Variants in PTPRQ observed in about 807,000 individuals in gnomAD.
PTPRQ encodes protein tyrosine phosphatase receptor type Q, also known as phosphatidylinositol phosphatase PTPRQ.
Under a neutral mutation model 246.0 loss-of-function variants are expected in PTPRQ, and 199 were observed. The observed-to-expected ratio is 0.81, with a 90% CI of 0.72 to 0.91. PTPRQ has a LOEUF of 0.91. PTPRQ is among the 40% of genes least tolerant of loss of function. The pLI, the probability that PTPRQ is intolerant of heterozygous loss-of-function variation, is 0.00. For synonymous variants in PTPRQ, 869 were observed against 853.2 expected (o/e 1.02, Z -0.32); for missense variants, 2,624 against 2,528.4 (o/e 1.04, Z -0.81).
At chr12:80,580,998 T>G (rs1369400283) in intron 25 of PTPRQ, among the ~76,000 whole-genome samples, 2 of 152,156 alleles carry the variant, frequency 1.3e-5, no homozygotes, top group Non-Finnish European at 2.9e-5. Context: ...TGCTGAAAAT[T>G]TTTACTGTGT....
rs1379002469 is a variant in PTPRQ, at chr12:80,495,217, C to G, written c.1728C>G (p.Asn576Lys). The part of the protein sequence containing the change: ...QQVPSSIKII[N>K]YKNISSSSIL... ...TGCCAAGCTCCATTAAAATTATAAA[C>G]TATAAAAATATTAGTTCTTCATCTA... Residue 576 changes from asparagine to lysine, a missense_variant, in exon 12 of 45, where the codon AAC becomes AAG. Transcript: ENST00000644991. 1 of 1,538,722 alleles carries G rather than the reference C, an allele frequency of 6.5e-7. No homozygotes were observed. The highest frequency in any genetic ancestry group is 8.7e-7 in the Non-Finnish European group (1 of 1,142,910).
intron 25 of PTPRQ, among the ~76,000 whole-genome samples, chr12:80,572,676 G>A (rs573019117): frequency 4.6e-5 from 7 of 152,178 alleles, no homozygotes; most frequent in Non-Finnish European, 8.8e-5. Flanking sequence ...TTAAATTGAA[G>A]AAGATTCTTT....
At chr12:80,594,799 TA>T (rs1008546722) in intron 26 of PTPRQ, among the ~76,000 whole-genome samples, 10 of 152,200 alleles carry the variant, frequency 6.6e-5, no homozygotes, top group Non-Finnish European at 2.9e-5. Context: ...CAAGTGTCTC[TA>T]AATCCAGACT....
chr12:80,671,029 T>A (rs1900952957), intron 42 of PTPRQ, among the ~76,000 whole-genome samples: 1 of 152,088 alleles, frequency 6.6e-6, no homozygotes, highest in Non-Finnish European at 1.5e-5. Context: ...TTTAATATTT[T>A]TAACAGGAGT....
At chr12:80,531,968 A>C (rs1458729083) in intron 17 of PTPRQ, among the ~76,000 whole-genome samples, 1 of 152,102 alleles carries the variant, frequency 6.6e-6, no homozygotes. Context: ...ATTTGAGATA[A>C]AAATTTATTT....
intron 9 of PTPRQ, among the ~76,000 whole-genome samples, chr12:80,492,696 T>A (rs1483014678): frequency 1.3e-5 from 2 of 152,000 alleles, no homozygotes; most frequent in Non-Finnish European, 2.9e-5. Context: ...TTGCAGTTAC[T>A]TTAAATATTC....
At chr12:80,612,582 T>C (rs1225597577) in intron 28 of PTPRQ, among the ~76,000 whole-genome samples, 1 of 150,288 alleles carries the variant, frequency 6.7e-6, no homozygotes, top group Non-Finnish European at 1.5e-5. Context: ...ACATTGCTAG[T>C]AGGAATGTAA....
rs964714719 is a variant in PTPRQ at position 80,619,392 on chromosome 12, C to A, written c.5239C>A (p.Arg1747=). 3 of 1,546,726 alleles carry A rather than the reference C, an allele frequency of 1.9e-6. No homozygotes were observed. The highest frequency in any genetic ancestry group is 1.2e-5 in the South Asian group (1 of 83,728). ...TTCTTCTTTGTTTATAGCTCCAGCA[C>A]GACCAAAAACCAAACCAACCCCTAT... is the stretch of plus-strand genomic sequence containing the variant. ...RITMDIKAPA[R]PKTKPTPIYD... The change falls in exon 31 of 45, where the codon CGA becomes AGA. Residue 1747 remains arginine, a synonymous_variant. Transcript: ENST00000644991.
chr12:80,512,164 T>C (rs958063878), intron 17 of PTPRQ, among the ~76,000 whole-genome samples: 3 of 152,224 alleles, frequency 2.0e-5, no homozygotes, highest in Admixed American at 6.5e-5. Flanking sequence ...ACTACTAGAA[T>C]TTGATGGCAT....
rs1565837023 is a variant in PTPRQ at position 80,642,936 on chromosome 12, A to AAACAAC, written c.5916-5959_5916-5958insCAACAA. ...CTCCGTCTTAAAAAAAAAAAAAAAA[A>AAACAAC]AAAAAAAAAACAATTGAGTATCTCT... On this transcript the variant is annotated intron_variant, in intron 35 of 44. Transcript: ENST00000644991. 1.3e-3 allele frequency among the ~76,000 whole-genome samples: 196 copies of AAACAAC among 148,356 alleles called. 7 individuals are homozygous for AAACAAC. The highest frequency in any genetic ancestry group is 4.6e-3 in the African/African-American group (179 of 39,246).
At chr12:80,507,945 C>T (rs1895012797) in intron 16 of PTPRQ, among the ~76,000 whole-genome samples, 1 of 151,904 alleles carries the variant, frequency 6.6e-6, no homozygotes. Flanking sequence ...GAAAATAGTA[C>T]CCACTTCTTT....
At chr12:80,472,465 T>C (rs1893670830) in intron 8 of PTPRQ, among the ~76,000 whole-genome samples, 1 of 152,200 alleles carries the variant, frequency 6.6e-6, no homozygotes, top group African/African-American at 2.4e-5. Context: ...TCAGGTAAGG[T>C]TAGGAAATAT....
At chr12:80,604,366 C>G (rs1898241250) in intron 26 of PTPRQ, among the ~76,000 whole-genome samples, 1 of 151,406 alleles carries the variant, frequency 6.6e-6, no homozygotes. Context: ...TGAAATTGTA[C>G]ACATAAGGAT....
At position 80,620,358 on chromosome 12, in the gene PTPRQ, A is replaced by C. The variant is rs1284527076; in HGVS notation, c.5594A>C (p.Lys1865Thr). Residue 1865 changes from lysine (K) to threonine (T), a missense_variant, in exon 32 of 45, where the codon AAA becomes ACA. Transcript: ENST00000644991. ...GACAAAATTTGCAATGGACCACTGA[A>C]ACCAAAAAAGCAATACTTGTAAGTA... ...NEDKICNGPL[K>T]PKKQYLFKFR... 6.5e-7 allele frequency: 1 copy of C among 1,549,048 alleles called. No homozygotes were observed. Among genetic ancestry groups the C allele is most frequent in the Non-Finnish European group, 8.7e-7 (1 of 1,145,256 alleles).
intron 37 of PTPRQ, among the ~76,000 whole-genome samples, chr12:80,651,252 C>A (rs370343243): frequency 1.6e-4 from 25 of 152,108 alleles, no homozygotes; most frequent in African/African-American, 6.0e-4. Flanking sequence ...ATGATAAATT[C>A]TACCATAAAG....
chr12:80,587,598 T>C (rs1897662187), intron 25 of PTPRQ, among the ~76,000 whole-genome samples: 1 of 152,028 alleles, frequency 6.6e-6, no homozygotes, highest in Non-Finnish European at 1.5e-5. Flanking sequence ...TAATTCTAAA[T>C]ATACATGAGA....
intron 2 of PTPRQ, among the ~76,000 whole-genome samples, 176 bp downstream of exon 2, chr12:80,445,025 C>T (rs1892510893): frequency 6.6e-6 from 1 of 151,846 alleles, no homozygotes; most frequent in Non-Finnish European, 1.5e-5. Flanking sequence ...GCTGTTTCTT[C>T]AGCTTCCTTT....
At chr12:80,456,534 GA>G (rs1348562028) in intron 3 of PTPRQ, among the ~76,000 whole-genome samples, 3 of 152,132 alleles carry the variant, frequency 2.0e-5, no homozygotes, top group African/African-American at 7.2e-5. Context: ...TGTGCTGTAA[GA>G]AACTATTGCT....
Position 80,460,691 on chromosome 12 carries a change from T to C in PTPRQ, c.699T>C (p.Pro233=). The C allele has an allele frequency of 2.5e-6, 1 of 399,138 alleles. No individual in the cohort carries two copies. The highest frequency in any genetic ancestry group is 3.6e-5 in the East Asian group (1 of 28,066). The allele number at this position is 399,138 out of a possible 1,614,324, so 24.7% of individuals were successfully genotyped here. Residue 233 remains proline (P), a synonymous_variant, in exon 6 of 45, where the codon CCT becomes CCC. Coordinates refer to ENST00000644991, the MANE Select transcript of PTPRQ (RefSeq NM_001145026.2). ...SESFLWSTAS[P]SPTLGRVTPP... ...CTTTTTTATGGAGTACAGCCAGCCC[T>C]TCTCCAACCCTTGGTAGAGTTACAC...
Sources: allele counts gnomAD v4.1 joint callset (sites outside exome capture counted in the v4.1 genomes callset), GRCh38; gene constraint gnomAD v4.1.1; transcripts MANE v1.5; gene names NCBI Gene and HGNC (gene_info 2026-07-23, HGNC 2026-07-21).